STOX2: variants seen among roughly 807,000 people sequenced by gnomAD.
STOX2 encodes storkhead-box protein 2.
In STOX2, 28 loss-of-function variants were observed where a neutral mutation model predicts 60.9. That is an observed-to-expected ratio of 0.46 (90% CI 0.34 to 0.63). The LOEUF is 0.63. STOX2 is among the 30% of genes least tolerant of loss of function. STOX2 has a pLI of 0.01. For missense variants in STOX2, 1,024 were observed against 1,187.7 expected (o/e 0.86, Z 2.03); for synonymous variants, 472 against 463.9 (o/e 1.02, Z -0.22).
chr4:183,950,176 G>C (rs1323087932), intron 1 of STOX2, among the ~76,000 whole-genome samples: 1 of 152,226 alleles, frequency 6.6e-6, no homozygotes, highest in African/African-American at 2.4e-5. Context: ...TCTCTTGGTA[G>C]ATTAAGACAC....
chr4:183,833,120 A>G (rs17075077), intron 1 of STOX2, among the ~76,000 whole-genome samples: 15,269 of 152,248 alleles, frequency 0.1, 2,016 homozygotes, highest in African/African-American at 0.31. Context: ...GAACATTGAT[A>G]CACTCAGTTC....
rs1741576091 is a variant in STOX2, at chr4:183,905,741, G to C, written c.-1050G>C. 1 of 152,242 alleles carries C rather than the reference G, an allele frequency of 6.6e-6. No homozygotes were observed. The highest frequency in any genetic ancestry group is 2.4e-5 in the African/African-American group (1 of 41,454). 9.4% of individuals were successfully genotyped at this position (152,242 alleles called of 1,614,324 possible). ...TGATGGGAACCGCGTTCTAACTTAA[G>C]GCAGCCTGGTGATTAGCATGAGACT... On this transcript the variant is annotated 5_prime_UTR_variant, in exon 1 of 4. Transcript: ENST00000308497.
intron 1 of STOX2, among the ~76,000 whole-genome samples, chr4:183,849,629 G>T (rs1193890483): frequency 2.0e-5 from 3 of 152,186 alleles, no homozygotes; most frequent in Non-Finnish European, 4.4e-5. Flanking sequence ...TCTAGGGAGA[G>T]ATGTCAGTAA....
chr4:183,906,980 C>T (rs1368157384), intron 1 of STOX2, 24 bp downstream of exon 1: 34 of 1,506,094 alleles, frequency 2.3e-5, no homozygotes, highest in Non-Finnish European at 2.7e-6. Context: ...CGCGTTTCTG[C>T]CCCCGGGCCG....
chr4:183,987,371 A>T (rs1424744389), intron 1 of STOX2, among the ~76,000 whole-genome samples: 1 of 152,048 alleles, frequency 6.6e-6, no homozygotes, highest in Non-Finnish European at 1.5e-5. Context: ...GTGTAAATGC[A>T]TGTCCGCAGG....
At chr4:183,987,535 C>T (rs979558418) in intron 1 of STOX2, 1 of 152,046 alleles carries the variant, frequency 6.6e-6, no homozygotes, top group Non-Finnish European at 1.5e-5. Context: ...CCAGCCACCC[C>T]CCAAATCCCA....
upstream of STOX2, among the ~76,000 whole-genome samples, chr4:183,901,743 A>T (rs184607827): frequency 4.2e-4 from 64 of 151,922 alleles, no homozygotes; most frequent in African/African-American, 1.4e-3. Flanking sequence ...CTTCGCAGAA[A>T]TCTCTATTCA....
intron 1 of STOX2, among the ~76,000 whole-genome samples, chr4:183,831,284 T>C (rs893816078): frequency 6.6e-6 from 1 of 152,170 alleles, no homozygotes; most frequent in African/African-American, 2.4e-5. Context: ...GTAAGGAAAA[T>C]TGTGGCAGGA....
chr4:184,020,649 G>A lies in STOX2; in HGVS notation c.*3365G>A, dbSNP rs1734546682. Reference sequence around the variant, plus strand: ...ATTTGTATTCCATTATATATATTTTGCACATCTCAGGGGACCATAATGAAC... The same window carrying A: ...ATTTGTATTCCATTATATATATTTTACACATCTCAGGGGACCATAATGAAC... On this transcript the variant is annotated 3_prime_UTR_variant, in exon 4 of 4. Coordinates refer to ENST00000308497, the MANE Select transcript of STOX2 (RefSeq NM_020225.3). 6.8e-6 allele frequency: 1 copy of A among 147,016 alleles called. No individual in the cohort carries two copies. Among genetic ancestry groups the A allele is most frequent in the South Asian group, 2.2e-4 (1 of 4,556 alleles). The allele number at this position is 147,016 out of a possible 1,614,324, so 9.1% of individuals were successfully genotyped here.
intron 1 of STOX2, among the ~76,000 whole-genome samples, chr4:183,818,809 G>A (rs910522310): frequency 1.3e-5 from 2 of 151,694 alleles, no homozygotes; most frequent in African/African-American, 2.4e-5. Flanking sequence ...CCGGGCGGAG[G>A]GGCTCCTCAC....
chr4:183,939,996 C>T (rs1450649834), intron 1 of STOX2, among the ~76,000 whole-genome samples: 4 of 152,222 alleles, frequency 2.6e-5, no homozygotes, highest in Admixed American at 2.0e-4. Context: ...CTCCGCCTCC[C>T]GGGTTCAAGT....
In STOX2 at chr4:184,019,237, G is replaced by A. The variant is rs1466060284; in HGVS notation, c.*1953G>A. 1 of 152,176 alleles carries A rather than the reference G, an allele frequency of 6.6e-6. No individual in the cohort carries two copies. The highest frequency in any genetic ancestry group is 2.4e-5 in the African/African-American group (1 of 41,434). 9.4% of individuals were successfully genotyped at this position (152,176 alleles called of 1,614,324 possible). A position where few individuals can be genotyped will look rare whatever the true frequency, so the allele number is the denominator to read the frequency against. The stretch of plus-strand genomic sequence containing the variant: ...CCATACCATTGAAATGCTTAAGCCA[G>A]TTGGCTTTCAGTCTCATGCCTTATT... On this transcript the variant is annotated 3_prime_UTR_variant, in exon 4 of 4. Coordinates refer to ENST00000308497, the MANE Select transcript of STOX2 (RefSeq NM_020225.3).
intron 1 of STOX2, among the ~76,000 whole-genome samples, chr4:183,819,198 G>A (rs1462902503): frequency 6.6e-6 from 1 of 152,106 alleles, no homozygotes. Context: ...GCAGGGGGCT[G>A]GGAGGTGGAG....
intron 1 of STOX2, among the ~76,000 whole-genome samples, chr4:183,826,582 C>G (rs1185021832): frequency 6.6e-6 from 1 of 152,236 alleles, no homozygotes; most frequent in African/African-American, 2.4e-5. Context: ...GTCGAAAGAG[C>G]AAGAACTTGG....
chr4:183,892,487 AGCCAGGATG>A (rs1161900214), intron 1 of STOX2, among the ~76,000 whole-genome samples: 1 of 152,066 alleles, frequency 6.6e-6, no homozygotes, highest in Non-Finnish European at 1.5e-5. Context: ...TCACCGTATT[AGCCAGGATG>A]GTCTCGATCT....
At chr4:183,805,603 T>C (rs1738872299) in intron 1 of STOX2, among the ~76,000 whole-genome samples, 1 of 151,996 alleles carries the variant, frequency 6.6e-6, no homozygotes, top group Non-Finnish European at 1.5e-5. Context: ...AGCCCAGGAG[T>C]TCTGGACCAG....
At chr4:183,969,040 C>T (rs189636012) in intron 1 of STOX2, among the ~76,000 whole-genome samples, 1 of 152,122 alleles carries the variant, frequency 6.6e-6, no homozygotes, top group Non-Finnish European at 1.5e-5. Flanking sequence ...TTAAAACAAG[C>T]CTTTTATGAG....
At chr4:183,963,416 T>C (rs1216110820) in intron 1 of STOX2, among the ~76,000 whole-genome samples, 1 of 152,142 alleles carries the variant, frequency 6.6e-6, no homozygotes, top group Admixed American at 6.5e-5. Context: ...AAAAATGTTA[T>C]ATTTTTTTTC....
At chr4:183,947,428 C>A (rs1268227825) in intron 1 of STOX2, among the ~76,000 whole-genome samples, 1 of 152,144 alleles carries the variant, frequency 6.6e-6, no homozygotes, top group South Asian at 2.1e-4. Flanking sequence ...CTGTCCTTTG[C>A]TTCTCAGGCA....
Sources: gnomAD v4.1 joint callset for allele counts (sites outside exome capture counted in the v4.1 genomes callset) on GRCh38, gnomAD v4.1.1 for gene constraint, MANE v1.5 for transcripts, NCBI Gene and HGNC (gene_info 2026-07-23, HGNC 2026-07-21) for gene names.